Variants in APBB2 observed in about 807,000 individuals in gnomAD.
APBB2 encodes the protein amyloid beta precursor protein binding family B member 2, also known as Fe65-like 1.
APBB2 carries 38 observed loss-of-function variants against 82.5 expected under a neutral mutation model. The observed-to-expected ratio is 0.46, with a 90% confidence interval of 0.36 to 0.60. The LOEUF is 0.60. APBB2 is among the 20% of genes least tolerant of loss of function. The pLI is 0.00. For missense variants in APBB2, 772 were observed against 972.3 expected (o/e 0.79, Z 2.74); for synonymous variants, 341 against 368.2 (o/e 0.93, Z 0.85).
At chr4:40,923,180 T>G (rs900665228) in intron 10 of APBB2, among the ~76,000 whole-genome samples, 1 of 150,298 alleles carries the variant, frequency 6.7e-6, no homozygotes, top group African/African-American at 2.5e-5. Context: ...TTTCACCGTG[T>G]TAGCCAAGAT....
intron 1 of APBB2, among the ~76,000 whole-genome samples, chr4:41,178,046 G>GT (rs566128777): frequency 1.0e-3 from 153 of 152,078 alleles, no homozygotes; most frequent in Non-Finnish European, 1.7e-3. Context: ...AAGAACCTAC[G>GT]TAAGAGTTTA....
intron 10 of APBB2, among the ~76,000 whole-genome samples, chr4:40,904,134 G>T (rs949240852): frequency 6.6e-6 from 1 of 152,094 alleles, no homozygotes; most frequent in Non-Finnish European, 1.5e-5. Context: ...GTTTCACTGA[G>T]AAATACGGCA....
chr4:41,001,214 T>C lies in APBB2; in HGVS notation c.835+12369A>G, dbSNP rs374360060. On this transcript the variant is annotated intron_variant, in intron 6 of 17. Transcript: ENST00000508593. ...ACAATTCCACATGGAACTGGGACAT[T>C]TTCCCCTACAACATTTTGGGGAAAG... Among the ~76,000 whole-genome samples the C allele has an allele frequency of 8.2e-4, 125 of 152,268 alleles. 1 individual carries two copies. The highest frequency in any genetic ancestry group is 2.8e-3 in the African/African-American group (118 of 41,520).
rs59900900 is a variant in APBB2 at position 41,020,918 on chromosome 4, A to T, written c.20-6520T>A. ...GTTTTTACACTAACAGGTCAGGGAT[A>T]GTAAGAGATGCCGCCCAGCGTTTAC... is the stretch of plus-strand genomic sequence containing the variant. On this transcript the variant is annotated intron_variant, in intron 5 of 17. Coordinates refer to ENST00000508593, the MANE Select transcript of APBB2 (RefSeq NM_004307.2). Among the ~76,000 whole-genome samples the T allele has an allele frequency of 9.4e-3, 1,436 of 152,308 alleles. 28 individuals are homozygous for T. The highest frequency in any genetic ancestry group is 0.033 in the African/African-American group (1,367 of 41,566).
At chr4:40,942,490 G>A (rs1242268519) in intron 7 of APBB2, among the ~76,000 whole-genome samples, 4 of 152,162 alleles carry the variant, frequency 2.6e-5, no homozygotes, top group African/African-American at 7.2e-5. Flanking sequence ...AACTCATTGA[G>A]TCTCAGTTAC....
intron 1 of APBB2, among the ~76,000 whole-genome samples, chr4:41,199,205 C>T (rs1776086803): frequency 6.6e-6 from 1 of 152,102 alleles, no homozygotes; most frequent in Non-Finnish European, 1.5e-5. Flanking sequence ...AGAACTGACT[C>T]CAGAGATGCA....
chr4:41,141,408 G>A (rs1229823131), intron 2 of APBB2, among the ~76,000 whole-genome samples: 1 of 152,090 alleles, frequency 6.6e-6, no homozygotes, highest in African/African-American at 2.4e-5. Context: ...GCATACGAGT[G>A]TCCCTTCCCT....
chr4:40,983,250 C>T (rs149775582), intron 6 of APBB2, among the ~76,000 whole-genome samples: 24 of 152,322 alleles, frequency 1.6e-4, no homozygotes, highest in Admixed American at 1.0e-3. Context: ...TCTTGCTCCA[C>T]GGCCTGTGCT....
At chr4:41,053,045 G>A (rs1445728598) in intron 4 of APBB2, among the ~76,000 whole-genome samples, 1 of 152,102 alleles carries the variant, frequency 6.6e-6, no homozygotes, top group East Asian at 1.9e-4. Flanking sequence ...GATTACAGGC[G>A]TAGGCCACCG....
At chr4:40,935,832 T>C (rs1785256832) in intron 7 of APBB2, among the ~76,000 whole-genome samples, 1 of 152,168 alleles carries the variant, frequency 6.6e-6, no homozygotes, top group South Asian at 2.1e-4. Context: ...CTAAACGTAA[T>C]TATAGTGCAA....
At chr4:40,988,023 C>T (rs185277793) in intron 6 of APBB2, among the ~76,000 whole-genome samples, 24 of 152,208 alleles carry the variant, frequency 1.6e-4, no homozygotes, top group African/African-American at 4.3e-4. Context: ...CTGAAATATA[C>T]GAATAATTAC....
At chr4:40,854,883 T>C (rs1760680974) in intron 12 of APBB2, among the ~76,000 whole-genome samples, 1 of 151,934 alleles carries the variant, frequency 6.6e-6, no homozygotes, top group African/African-American at 2.4e-5. Flanking sequence ...ACAAGGAGGC[T>C]GCATGACTGA....
intron 10 of APBB2, among the ~76,000 whole-genome samples, chr4:40,906,647 T>C (rs979313987): frequency 1.3e-5 from 2 of 152,094 alleles, no homozygotes; most frequent in African/African-American, 4.8e-5. Flanking sequence ...TTTAGTTCAA[T>C]TTTCACAACC....
At position 40,956,421 on chromosome 4, in the gene APBB2, C is replaced by T. The variant is rs577726252; in HGVS notation, c.836-11348G>A. On this transcript the variant is annotated intron_variant, in intron 6 of 17. Transcript: ENST00000508593. ...CCCCAAAGTGTCCAAAATTTGGGAG[C>T]GCCCAGAATCCTGACCCACTGGCCT... is the stretch of plus-strand genomic sequence containing the variant. Among the ~76,000 whole-genome samples the T allele has an allele frequency of 9.8e-5, 15 of 152,286 alleles. No homozygotes were observed. The South Asian group carries it at 2.3e-3, about 23-fold the overall frequency.
chr4:41,032,930 G>A (rs949735541), intron 5 of APBB2, among the ~76,000 whole-genome samples: 15 of 150,366 alleles, frequency 1.0e-4, no homozygotes, highest in African/African-American at 2.2e-4. Context: ...GACTACAGGC[G>A]CGCGCCACCA....
chr4:40,985,778 C>A (rs552745277), intron 6 of APBB2, among the ~76,000 whole-genome samples: 1 of 152,060 alleles, frequency 6.6e-6, no homozygotes, highest in Non-Finnish European at 1.5e-5. Flanking sequence ...GATAATGACA[C>A]AAAATTATCC....
chr4:41,161,753 A>G (rs569040866), intron 1 of APBB2, among the ~76,000 whole-genome samples: 6 of 152,324 alleles, frequency 3.9e-5, no homozygotes, highest in African/African-American at 1.4e-4. Flanking sequence ...AGGTAATTAG[A>G]GAGAAAGCTA....
intron 5 of APBB2, among the ~76,000 whole-genome samples, chr4:41,028,291 T>C (rs11929986): frequency 0.089 from 13,549 of 152,316 alleles, 742 homozygotes; most frequent in Admixed American, 0.15. Flanking sequence ...GCAGAGATGA[T>C]TGTACTCCTT....
intron 6 of APBB2, among the ~76,000 whole-genome samples, chr4:40,976,385 G>T (rs757699999): frequency 1.1e-4 from 17 of 152,296 alleles, no homozygotes; most frequent in Non-Finnish European, 1.9e-4. Context: ...TATAATTAAT[G>T]GAACTCACTA....
Sources: allele counts gnomAD v4.1 joint callset (sites outside exome capture counted in the v4.1 genomes callset), GRCh38; gene constraint gnomAD v4.1.1; transcripts MANE v1.5; gene names NCBI Gene and HGNC (gene_info 2026-07-23, HGNC 2026-07-21).